The following NARS2 variants were observed in gnomAD, a reference collection of about 807,000 sequenced individuals.
NARS2 encodes asparaginyl-tRNA synthetase 2, mitochondrial.
A neutral mutation model predicts 62.9 loss-of-function variants in NARS2; 60 were observed. That is an observed-to-expected ratio of 0.95 (90% confidence interval 0.77 to 1.18). The LOEUF (loss-of-function observed/expected upper bound fraction) is 1.18. Among genes scored for constraint, NARS2 ranks in the 50% most tolerant of loss-of-function variants. The pLI is 0.00. For synonymous variants in NARS2, 196 were observed against 200.0 expected (o/e 0.98, Z 0.17); for missense variants, 619 against 576.4 (o/e 1.07, Z -0.76).
chr11:78,552,826 A>G (rs1349194643), intron 5 of NARS2, among the ~76,000 whole-genome samples: 1 of 152,214 alleles, frequency 6.6e-6, no homozygotes, highest in Non-Finnish European at 1.5e-5. Context: ...ACATGTCATC[A>G]GGGCCTCCTG....
At chr11:78,570,520 G>A (rs922151744) in intron 2 of NARS2, among the ~76,000 whole-genome samples, 3 of 152,088 alleles carry the variant, frequency 2.0e-5, no homozygotes, top group Non-Finnish European at 2.9e-5. Flanking sequence ...CCCGAGTAGT[G>A]GAGATTATTG....
chr11:78,478,414 T>C (rs1444169298), intron 9 of NARS2, 24 bp downstream of exon 9: 1 of 973,218 alleles, frequency 1.0e-6, no homozygotes, highest in Non-Finnish European at 1.5e-6. Context: ...TGAATAAAGT[T>C]CAAAAAGTAT....
rs530407622 is a variant in NARS2, at chr11:78,545,213, T to C, written c.594+14326A>G. Among the ~76,000 whole-genome samples the C allele has an allele frequency of 9.2e-5, 14 of 152,364 alleles. No homozygotes were observed. The South Asian group carries it at 2.5e-3, about 27-fold the overall frequency. On this transcript the variant is annotated intron_variant, in intron 5 of 13. Coordinates refer to ENST00000281038, the MANE Select transcript of NARS2 (RefSeq NM_024678.6). ...AGTTTATATCATCTACATTTCATTA[T>C]ACATATTATCTATATTTGGGAAAGA... is the stretch of plus-strand genomic sequence containing the variant.
intron 6 of NARS2, among the ~76,000 whole-genome samples, chr11:78,511,709 TCCGTCTCCAAAGAAAAAA>T (rs1478274422): frequency 1.5e-5 from 2 of 135,106 alleles, no homozygotes; most frequent in Non-Finnish European, 3.3e-5. Context: ...AGAGCGAGAC[TCCGTCTCCAAAGAAAAAA>T]AAAAAAAGAA....
chr11:78,547,450 T>C (rs1484038378), intron 5 of NARS2, among the ~76,000 whole-genome samples: 3 of 152,132 alleles, frequency 2.0e-5, no homozygotes, highest in African/African-American at 7.2e-5. Context: ...GTTAAATACA[T>C]TGAAATACAT....
At position 78,567,382 on chromosome 11, in the gene NARS2, T is replaced by C. The variant is rs553492823; in HGVS notation, c.373-1110A>G. ...GACGGCTCAAGATTCCATGACACAA[T>C]GAGAATGGCATGCAATTTAAAATTT... On this transcript the variant is annotated intron_variant, in intron 3 of 13. Transcript: ENST00000281038. 2.0e-5 allele frequency among the ~76,000 whole-genome samples: 3 copies of C among 152,266 alleles called. No homozygotes were observed. The South Asian group carries it at 6.2e-4, about 32-fold the overall frequency.
rs774917624 is a variant in NARS2 at position 78,465,400 on chromosome 11, G to A, written c.1164+476C>T. On this transcript the variant is annotated intron_variant, in intron 11 of 13. Coordinates refer to ENST00000281038, the MANE Select transcript of NARS2 (RefSeq NM_024678.6). Reference sequence around the variant, plus strand: ...CTCCTCAAGTGCCGCCAAAGTGGGCGCCAAGGCCGAGGAGGCGCCGAGAGC... The same window carrying A: ...CTCCTCAAGTGCCGCCAAAGTGGGCACCAAGGCCGAGGAGGCGCCGAGAGC... Among the ~76,000 whole-genome samples, 175 of 152,256 alleles carry A rather than the reference G, an allele frequency of 1.1e-3. 3 individuals are homozygous for A. Among genetic ancestry groups the A allele is most frequent in the Non-Finnish European group, 2.1e-4 (14 of 68,034 alleles).
chr11:78,502,766 G>C (rs1014146366), intron 6 of NARS2, among the ~76,000 whole-genome samples: 5 of 152,186 alleles, frequency 3.3e-5, no homozygotes, highest in African/African-American at 1.2e-4. Flanking sequence ...CAAGGCACGT[G>C]AATCAGCTGA....
chr11:78,529,409 G>A (rs969821980), intron 5 of NARS2, among the ~76,000 whole-genome samples: 1 of 152,038 alleles, frequency 6.6e-6, no homozygotes, highest in Admixed American at 6.6e-5. Context: ...AACACATTAT[G>A]AACTTTCAAA....
chr11:78,566,210 A>C lies in NARS2; in HGVS notation c.435T>G (p.Phe145Leu). The C allele has an allele frequency of 6.2e-7, 1 of 1,612,700 alleles. No individual in the cohort carries two copies. Among genetic ancestry groups the C allele is most frequent in the Non-Finnish European group, 8.5e-7 (1 of 1,179,004 alleles). ...AACCCAGAACGTTAGTCCTACACCT[A>C]AAGTGAGGATATTGTCGCAGATACT... The part of the protein sequence containing the change: ...PLEYLRQYPH[F>L]RCRTNVLGSI... The change falls in exon 4 of 14, where the codon TTT (phenylalanine) becomes TTG (leucine). Residue 145 changes from phenylalanine (F) to leucine (L), a missense_variant. Coordinates refer to ENST00000281038, the MANE Select transcript of NARS2 (RefSeq NM_024678.6).
At chr11:78,464,828 G>T (rs929041796) in intron 11 of NARS2, among the ~76,000 whole-genome samples, 5 of 152,162 alleles carry the variant, frequency 3.3e-5, no homozygotes, top group African/African-American at 1.2e-4. Context: ...ACAGAGTGCC[G>T]ATTGGTGTAT....
At chr11:78,470,083 AC>A (rs1858805077) in intron 9 of NARS2, among the ~76,000 whole-genome samples, 1 of 152,212 alleles carries the variant, frequency 6.6e-6, no homozygotes, top group African/African-American at 2.4e-5. Flanking sequence ...ACTAGAGCAT[AC>A]TGAACAAGAG....
At chr11:78,516,505 C>CA (rs1458992862) in intron 6 of NARS2, among the ~76,000 whole-genome samples, 1 of 152,186 alleles carries the variant, frequency 6.6e-6, no homozygotes, top group African/African-American at 2.4e-5. Context: ...GGACAGTAAT[C>CA]ACACTCCTAA....
chr11:78,539,981 T>A (rs914659126), intron 5 of NARS2, among the ~76,000 whole-genome samples: 2 of 152,198 alleles, frequency 1.3e-5, no homozygotes, highest in Non-Finnish European at 2.9e-5. Context: ...TGAACAAAAA[T>A]GTTTGAAAAT....
At chr11:78,565,573 T>A (rs1856714816) in intron 4 of NARS2, among the ~76,000 whole-genome samples, 1 of 152,106 alleles carries the variant, frequency 6.6e-6, no homozygotes, top group Non-Finnish European at 1.5e-5. Flanking sequence ...GAGACCCAAG[T>A]GGCTAGAGTT....
intron 7 of NARS2, among the ~76,000 whole-genome samples, chr11:78,488,859 AGCCTTTTCAACAAATGGT>A (rs1179277530): frequency 2.0e-5 from 3 of 152,172 alleles, no homozygotes; most frequent in African/African-American, 7.2e-5. Flanking sequence ...TTTAGCTAAC[AGCCTTTTCAACAAATGGT>A]GCTGGAGCAA....
At chr11:78,553,230 T>C (rs997999370) in intron 5 of NARS2, among the ~76,000 whole-genome samples, 64 of 152,186 alleles carry the variant, frequency 4.2e-4, no homozygotes, top group Admixed American at 3.7e-3. Flanking sequence ...TTTTTTCATA[T>C]GCTTGTTGGC....
chr11:78,526,296 A>C (rs1861291113), intron 6 of NARS2, among the ~76,000 whole-genome samples: 1 of 152,194 alleles, frequency 6.6e-6, no homozygotes, highest in Non-Finnish European at 1.5e-5. Context: ...AAAGCTTTAA[A>C]ATGGAACCAT....
chr11:78,485,374 CA>C (rs1859525712), intron 7 of NARS2, among the ~76,000 whole-genome samples: 1 of 151,680 alleles, frequency 6.6e-6, no homozygotes, highest in Admixed American at 6.6e-5. Flanking sequence ...GGACGTTCTG[CA>C]CATGTATCCC....
Sources: allele counts gnomAD v4.1 joint callset (sites outside exome capture counted in the v4.1 genomes callset), GRCh38; gene constraint gnomAD v4.1.1; transcripts MANE v1.5; gene names NCBI Gene and HGNC (gene_info 2026-07-23, HGNC 2026-07-21).